The following ATXN1 variants were observed in gnomAD, a reference collection of about 807,000 sequenced individuals.
ATXN1 encodes the protein ataxin-1.
In ATXN1, 8 loss-of-function variants were observed where a neutral mutation model predicts 56.4. That is an observed-to-expected ratio of 0.14 (90% CI 0.08 to 0.26). The LOEUF (loss-of-function observed/expected upper bound fraction) is 0.26, where lower values mean the gene tolerates loss of function less well. Among genes scored for constraint, ATXN1 ranks in the 10% least tolerant of loss-of-function variants. The pLI is 1.00. For missense variants in ATXN1, 987 were observed against 1,106.5 expected, an observed-to-expected ratio of 0.89 and a Z score of 1.53; for synonymous variants, 514 against 494.6, an observed-to-expected ratio of 1.04 and a Z score of -0.52.
chr6:16,654,689 T>C (rs75414284), intron 3 of ATXN1, among the ~76,000 whole-genome samples: 190 of 151,998 alleles, frequency 1.3e-3, no homozygotes, highest in African/African-American at 4.4e-3. Flanking sequence ...ACTGTCTTAA[T>C]CAAACCTCCC....
intron 6 of ATXN1, among the ~76,000 whole-genome samples, chr6:16,359,173 A>C (rs1761755411): frequency 6.6e-6 from 1 of 152,202 alleles, no homozygotes; most frequent in Non-Finnish European, 1.5e-5. Context: ...AGCAGGAGGA[A>C]GACAGGGTCC....
chr6:16,544,197 C>T (rs1215373838), intron 4 of ATXN1, among the ~76,000 whole-genome samples: 1 of 152,212 alleles, frequency 6.6e-6, no homozygotes, highest in Admixed American at 6.5e-5. Flanking sequence ...CCAGCAGGGA[C>T]TGAGTGTGTG....
intron 5 of ATXN1, among the ~76,000 whole-genome samples, chr6:16,496,571 A>G (rs1208624867): frequency 6.6e-6 from 1 of 152,102 alleles, no homozygotes; most frequent in East Asian, 1.9e-4. Flanking sequence ...AGGACCCTGT[A>G]CTCCACTTGC....
At chr6:16,447,496 T>C (rs1180113002) in intron 6 of ATXN1, among the ~76,000 whole-genome samples, 1 of 152,166 alleles carries the variant, frequency 6.6e-6, no homozygotes, top group Non-Finnish European at 1.5e-5. Flanking sequence ...AGTGCTAGGA[T>C]TAGAAGTGTT....
chr6:16,633,569 G>T (rs2113812655), intron 3 of ATXN1, among the ~76,000 whole-genome samples: 1 of 152,230 alleles, frequency 6.6e-6, no homozygotes, highest in East Asian at 1.9e-4. Context: ...AGGGAGCTGA[G>T]TACTTGCCAA....
At chr6:16,503,162 T>C (rs143793724) in intron 5 of ATXN1, among the ~76,000 whole-genome samples, 95 of 152,298 alleles carry the variant, frequency 6.2e-4, no homozygotes, top group African/African-American at 2.2e-3. Context: ...ACTTACACTA[T>C]CTAGTTTTAT....
chr6:16,339,970 A>G (rs904498717), intron 6 of ATXN1, among the ~76,000 whole-genome samples: 3 of 152,152 alleles, frequency 2.0e-5, no homozygotes, highest in Admixed American at 6.5e-5. Context: ...TTTAGTAGAG[A>G]CAGGGTTTCA....
intron 3 of ATXN1, among the ~76,000 whole-genome samples, chr6:16,633,001 A>G (rs1763534139): frequency 6.6e-6 from 1 of 151,756 alleles, no homozygotes; most frequent in Admixed American, 6.6e-5. Flanking sequence ...CCGCCTCAAA[A>G]AAAAAAAAAA....
At chr6:16,464,606 A>G (rs1335961732) in intron 6 of ATXN1, among the ~76,000 whole-genome samples, 1 of 152,220 alleles carries the variant, frequency 6.6e-6, no homozygotes, top group Non-Finnish European at 1.5e-5. Context: ...ACCCACCGGT[A>G]GGAACCAACT....
Position 16,410,675 on chromosome 6 carries a change from T to C in ATXN1, c.-161+75297A>G, listed in dbSNP as rs186407057. Among the ~76,000 whole-genome samples, 38 of 152,366 alleles carry C rather than the reference T, an allele frequency of 2.5e-4. No homozygotes were observed. The East Asian group carries it at 2.5e-3, about 10-fold the overall frequency. Reference sequence around the variant, plus strand: ...TCTAAAGTCTTAATCATGCATTTCTTTCAAATTGTGAGCCTCCAATGAACT... The same window carrying C: ...TCTAAAGTCTTAATCATGCATTTCTCTCAAATTGTGAGCCTCCAATGAACT... On this transcript the variant is annotated intron_variant, in intron 6 of 7. Coordinates refer to ENST00000436367, the MANE Select transcript of ATXN1 (RefSeq NM_001128164.2). The surrounding 1 kb of genome is among the most constrained non-coding windows in gnomAD (Gnocchi z 4.6).
intron 4 of ATXN1, among the ~76,000 whole-genome samples, chr6:16,561,464 TC>T (rs1762117874): frequency 6.6e-6 from 1 of 152,174 alleles, no homozygotes; most frequent in Non-Finnish European, 1.5e-5. Context: ...ACCAACAAGT[TC>T]CCATAGAGCC....
intron 6 of ATXN1, among the ~76,000 whole-genome samples, chr6:16,366,705 C>T (rs1302467345): frequency 2.2e-5 from 3 of 135,142 alleles, no homozygotes; most frequent in South Asian, 2.4e-4. Context: ...CACTTGAACC[C>T]GGGAGGTGGA....
intron 3 of ATXN1, among the ~76,000 whole-genome samples, chr6:16,606,867 T>TTGTGTGTATGTGTGTGTGTGTGTGTG (rs1763018031): frequency 7.9e-6 from 1 of 126,712 alleles, no homozygotes; most frequent in African/African-American, 2.9e-5. Context: ...GTTCCATGAG[T>TTGTGTGTATGTGTGTGTGTGTGTGTG]TGTGTGTGTG....
At chr6:16,633,805 G>C (rs746308619) in intron 3 of ATXN1, among the ~76,000 whole-genome samples, 10 of 152,206 alleles carry the variant, frequency 6.6e-5, no homozygotes, top group Non-Finnish European at 1.0e-4. Flanking sequence ...AGGGTGTGAA[G>C]CTCATGTCAT....
intron 5 of ATXN1, among the ~76,000 whole-genome samples, chr6:16,503,473 T>C (rs1007538227): frequency 6.6e-6 from 1 of 152,230 alleles, no homozygotes; most frequent in East Asian, 1.9e-4. Flanking sequence ...GATCTCTTTA[T>C]GTCCATCTTC....
intron 4 of ATXN1, among the ~76,000 whole-genome samples, chr6:16,539,070 T>A (rs1761662416): frequency 6.6e-6 from 1 of 152,218 alleles, no homozygotes; most frequent in African/African-American, 2.4e-5. Context: ...TCTGTTCATT[T>A]AGACTTCTAC....
intron 6 of ATXN1, among the ~76,000 whole-genome samples, chr6:16,426,253 CA>C (rs1403488373): frequency 5.0e-5 from 7 of 138,920 alleles, no homozygotes; most frequent in Admixed American, 3.8e-4. Context: ...CTTATTAACA[CA>C]AAAGGAGGAG....
intron 4 of ATXN1, among the ~76,000 whole-genome samples, chr6:16,535,600 G>A (rs897009915): frequency 6.6e-6 from 1 of 152,174 alleles, no homozygotes; most frequent in Admixed American, 6.5e-5. Context: ...AAGAAAACAC[G>A]CATCTCTTGA....
intron 2 of ATXN1, among the ~76,000 whole-genome samples, chr6:16,717,461 A>C (rs1759661861): frequency 6.6e-6 from 1 of 152,214 alleles, no homozygotes. Context: ...ACCTGACTCC[A>C]TATGGATCTT....
Sources: gnomAD v4.1 joint callset for allele counts (sites outside exome capture counted in the v4.1 genomes callset) on GRCh38, gnomAD v4.1.1 for gene constraint, Gnocchi (gnomAD v3.1) non-coding constraint, MANE v1.5 for transcripts, NCBI Gene and HGNC (gene_info 2026-07-23, HGNC 2026-07-21) for gene names.